The following FGFR2 variants were observed in gnomAD, a reference collection of about 807,000 sequenced individuals.
The protein encoded by FGFR2 is BEK fibroblast growth factor receptor.
In FGFR2, 19 loss-of-function variants were observed where a neutral mutation model predicts 95.9. That is an observed-to-expected ratio of 0.20 (90% CI 0.14 to 0.29). The LOEUF (loss-of-function observed/expected upper bound fraction) is 0.29, where lower values mean the gene tolerates loss of function less well. Ranked by LOEUF, FGFR2 falls within the 10% of genes least tolerant of loss-of-function variation. The pLI is 1.00. For synonymous variants in FGFR2, 392 were observed against 393.3 expected (o/e 1.00, Z 0.04); for missense variants, 707 against 1,056.9 (o/e 0.67, Z 4.59).
intron 10 of FGFR2, among the ~76,000 whole-genome samples, chr10:121,502,133 T>C (rs943768014): frequency 2.0e-5 from 3 of 152,218 alleles, no homozygotes; most frequent in Non-Finnish European, 4.4e-5. Context: ...GCAAAAACTA[T>C]GGACTAAACC....
chr10:121,522,229 T>C (rs1375588600), intron 6 of FGFR2, among the ~76,000 whole-genome samples: 3 of 152,336 alleles, frequency 2.0e-5, no homozygotes, highest in East Asian at 3.9e-4. Flanking sequence ...ATCGTGCCTA[T>C]AGTCAACAAC....
At chr10:121,508,372 G>T (rs910840338) in intron 9 of FGFR2, among the ~76,000 whole-genome samples, 1 of 152,204 alleles carries the variant, frequency 6.6e-6, no homozygotes, top group African/African-American at 2.4e-5. Context: ...AGGAAAACTG[G>T]ACAGTAAGAG....
At chr10:121,550,066 T>C (rs1855139804) in intron 5 of FGFR2, among the ~76,000 whole-genome samples, 1 of 152,202 alleles carries the variant, frequency 6.6e-6, no homozygotes, top group Non-Finnish European at 1.5e-5. Flanking sequence ...ATTATTACAG[T>C]TCTCTCCTTC....
intron 5 of FGFR2, among the ~76,000 whole-genome samples, chr10:121,540,780 A>G (rs568971964): frequency 6.6e-6 from 1 of 152,288 alleles, no homozygotes; most frequent in South Asian, 2.1e-4. Flanking sequence ...CCCCCGCTCA[A>G]ATGTCATGCC....
chr10:121,521,027 C>T (rs529070377), intron 6 of FGFR2, among the ~76,000 whole-genome samples: 1 of 152,298 alleles, frequency 6.6e-6, no homozygotes, highest in East Asian at 1.9e-4. Flanking sequence ...AAGTTATGAA[C>T]AGATTTGATT....
In FGFR2 at chr10:121,593,801, C is replaced by G. The variant is rs3750819; in HGVS notation, c.17G>C (p.Arg6Pro). 2.1e-3 allele frequency: 3,367 copies of G among 1,614,156 alleles called. 71 individuals carry two copies. In the Admixed American group the frequency reaches 0.04, roughly 19 times the overall value. Residue 6 changes from arginine to proline, a missense_variant, in exon 2 of 18, where the codon CGT (arginine) becomes CCT (proline). Transcript: ENST00000358487. ...GGTGACCACGACCAGGCAGATGAAA[C>G]GACCCCAGCTGACCATGGTTACGGT... is the stretch of plus-strand genomic sequence containing the variant. MVSWGRFICLVVVTMA... is the reference protein window; with the variant it reads MVSWGPFICLVVVTMA...
intron 2 of FGFR2, among the ~76,000 whole-genome samples, chr10:121,587,952 T>C (rs45631600): frequency 8.5e-4 from 130 of 152,336 alleles, no homozygotes; most frequent in Non-Finnish European, 1.1e-3. Context: ...CAAATGTTCA[T>C]TGCAGCACTA....
chr10:121,512,715 C>T (rs183502737), intron 9 of FGFR2, among the ~76,000 whole-genome samples: 46 of 152,192 alleles, frequency 3.0e-4, no homozygotes, highest in Admixed American at 3.0e-3. Context: ...GTGAATGTGA[C>T]AGGCTGTGTC....
In FGFR2 at chr10:121,480,012, C is replaced by T. The variant is rs765174665; in HGVS notation, c.2311G>A (p.Asp771Asn). 1.1e-5 allele frequency: 17 copies of T among 1,613,968 alleles called. No homozygotes were observed. The highest frequency in any genetic ancestry group is 1.7e-5 in the Admixed American group (1 of 60,012). Residue 771 changes from aspartate (D) to asparagine (N), a missense_variant, in exon 18 of 18, where the codon GAC (aspartate) becomes AAC (asparagine). Physicochemically the swap from Asp to Asn is conservative, Grantham distance 23. Coordinates refer to ENST00000358487, the MANE Select transcript of FGFR2 (RefSeq NM_000141.5). ...TACTGTTCGAGAGGTTGGCTGAGGT[C>T]CAAGTATTCCTGAAAGAAGGGAAGA... ...LTLTTNEEYL[D>N]LSQPLEQYSP... is the part of the protein sequence containing the mutation.
At chr10:121,563,142 G>A (rs539073103) in intron 4 of FGFR2, among the ~76,000 whole-genome samples, 5 of 152,288 alleles carry the variant, frequency 3.3e-5, no homozygotes, top group East Asian at 1.9e-4. Flanking sequence ...TTGGGAGGCC[G>A]AGGCAGGTGA....
At chr10:121,495,608 ACT>A (rs931166727) in intron 13 of FGFR2, among the ~76,000 whole-genome samples, 1 of 152,080 alleles carries the variant, frequency 6.6e-6, no homozygotes, top group Admixed American at 6.5e-5. Flanking sequence ...GAATCTCTGC[ACT>A]CTGAGTGATC....
In FGFR2 at chr10:121,582,114, T is replaced by C. The variant is rs142345478; in HGVS notation, c.109+11595A>G. On this transcript the variant is annotated intron_variant, in intron 2 of 17. Transcript: ENST00000358487. ...CCCCGGCTAATTTTTGTATTTTTAG[T>C]AGAGACCACGTTTCACCATGTTGGC... Among the ~76,000 whole-genome samples the C allele has an allele frequency of 5.1e-3, 772 of 152,164 alleles. 12 individuals are homozygous for C. The East Asian group carries it at 0.062, about 12-fold the overall frequency.
At position 121,515,228 on chromosome 10, in the gene FGFR2, C is replaced by T. The variant is rs778187292; in HGVS notation, c.1176G>A (p.Val392=). 6.2e-7 allele frequency: 1 copy of T among 1,614,042 alleles called. No individual in the cohort carries two copies. The highest frequency in any genetic ancestry group is 1.3e-5 in the African/African-American group (1 of 74,916). ...CIGVFLIACM[V]VTVILCRMKN... ...TCATTCGGCACAGGATGACTGTTAC[C>T]ACCATACAGGCGATTAAGAAGACCC... Residue 392 remains valine (V), a synonymous_variant, in exon 9 of 18, where the codon GTG becomes GTA. Coordinates refer to ENST00000358487, the MANE Select transcript of FGFR2 (RefSeq NM_000141.5).
At position 121,485,576 on chromosome 10, in the gene FGFR2, T is replaced by C. The variant is rs183682981; in HGVS notation, c.2058-44A>G. On this transcript the variant is annotated intron_variant, in intron 15 of 17. Coordinates refer to ENST00000358487, the MANE Select transcript of FGFR2 (RefSeq NM_000141.5). This position sits in a 1 kb window ranked among gnomAD's most constrained non-coding sequence, Gnocchi z 4.2. ...GCACGGCATTACTAACCCATCCACG[T>C]TGCCAAAACCTAAACACGCCCAGCT... is the stretch of plus-strand genomic sequence containing the variant. 1.2e-5 allele frequency: 19 copies of C among 1,613,814 alleles called. No individual in the cohort carries two copies. The African/African-American group carries it at 2.0e-4, about 17-fold the overall frequency.
At chr10:121,486,341 A>G (rs1403852210) in intron 15 of FGFR2, among the ~76,000 whole-genome samples, 1 of 152,234 alleles carries the variant, frequency 6.6e-6, no homozygotes, top group Non-Finnish European at 1.5e-5. Context: ...AAAATGGGAT[A>G]GTCATGTCTT....
At chr10:121,498,396 G>A (rs1847155504) in intron 12 of FGFR2, 99 bp downstream of exon 12, 1 of 806,020 alleles carries the variant, frequency 1.2e-6, no homozygotes. Context: ...CATGCACACA[G>A]GGTGCTCTGG....
intron 2 of FGFR2, among the ~76,000 whole-genome samples, chr10:121,580,469 GCA>G (rs1489468892): frequency 3.4e-3 from 1 of 296 alleles, no homozygotes; most frequent in Non-Finnish European, 0.042. Flanking sequence ...GGCCTGGCCA[GCA>G]TCTCGAAACC....
intron 6 of FGFR2, 54 bp downstream of exon 6, chr10:121,538,538 G>A (rs2134597460): frequency 1.2e-6 from 2 of 1,613,206 alleles, no homozygotes; most frequent in African/African-American, 1.3e-5. Flanking sequence ...TTTCAAACGA[G>A]TCAAGCAAGA....
Position 121,547,138 on chromosome 10 carries a change from C to T in FGFR2, c.624+4152G>A, listed in dbSNP as rs571162901. On this transcript the variant is annotated intron_variant, in intron 5 of 17. Transcript: ENST00000358487. ...ACTTGTGAGGCTGAGACAGGAAAAT[C>T]GCTTGAACCCGGGAGGCAGAGGTTA... is the stretch of plus-strand genomic sequence containing the variant. Among the ~76,000 whole-genome samples the T allele has an allele frequency of 5.3e-5, 8 of 152,200 alleles. No individual in the cohort carries two copies. In the East Asian group the frequency reaches 1.4e-3, roughly 26 times the overall value.
Sources: allele counts gnomAD v4.1 joint callset (sites outside exome capture counted in the v4.1 genomes callset), GRCh38; gene constraint gnomAD v4.1.1; non-coding constraint Gnocchi (gnomAD v3.1); transcripts MANE v1.5; gene names NCBI Gene and HGNC (gene_info 2026-07-23, HGNC 2026-07-21).